Variants in SMYD3 observed in about 807,000 individuals in gnomAD.
The protein encoded by SMYD3 is SET and MYND domain containing 3.
A neutral mutation model predicts 57.7 loss-of-function variants in SMYD3; 36 were observed. That is an observed-to-expected ratio of 0.62 (90% CI 0.48 to 0.82). The LOEUF (loss-of-function observed/expected upper bound fraction) is 0.82, where lower values mean the gene tolerates loss of function less well. Among genes scored for constraint, SMYD3 ranks in the 40% least tolerant of loss-of-function variants. SMYD3 has a pLI of 0.00. For missense variants in SMYD3, 515 were observed against 538.8 expected (o/e 0.96, Z 0.44); for synonymous variants, 211 against 195.0 (o/e 1.08, Z -0.68).
chr1:245,967,535 C>T (rs1209426637), intron 5 of SMYD3, among the ~76,000 whole-genome samples: 3 of 152,186 alleles, frequency 2.0e-5, no homozygotes, highest in African/African-American at 7.2e-5. Flanking sequence ...AGCTGTTGCA[C>T]TGTGAACTTG....
chr1:246,182,557 TCCAGTACC>T (rs2062570700), intron 5 of SMYD3, among the ~76,000 whole-genome samples: 1 of 152,210 alleles, frequency 6.6e-6, no homozygotes, highest in South Asian at 2.1e-4. Flanking sequence ...CAGTACTCTT[TCCAGTACC>T]CCACACAACA....
intron 11 of SMYD3, among the ~76,000 whole-genome samples, chr1:245,762,709 G>A (rs954845407): frequency 2.0e-5 from 3 of 152,204 alleles, no homozygotes; most frequent in Non-Finnish European, 2.9e-5. Flanking sequence ...AGCATTCGGC[G>A]AAAATGAGCA....
In SMYD3 at chr1:246,294,816, C is replaced by A. The variant is rs181574051; in HGVS notation, c.531+32385G>T. Among the ~76,000 whole-genome samples the A allele has an allele frequency of 7.2e-5, 11 of 152,290 alleles. No homozygotes were observed. In the East Asian group the frequency reaches 2.1e-3, roughly 30 times the overall value. On this transcript the variant is annotated intron_variant, in intron 5 of 11. Transcript: ENST00000490107. ...GTTTCACCATGTTGGCCAAGCTGGT[C>A]TGGAACTCCTGACCTCAAGTGATCT...
intron 5 of SMYD3, among the ~76,000 whole-genome samples, chr1:246,046,271 T>C (rs2059961825): frequency 6.6e-6 from 1 of 152,172 alleles, no homozygotes; most frequent in Non-Finnish European, 1.5e-5. Flanking sequence ...GTGGCACATA[T>C]ACACCATGGA....
At chr1:245,805,609 T>G (rs2048111158) in intron 10 of SMYD3, among the ~76,000 whole-genome samples, 1 of 152,226 alleles carries the variant, frequency 6.6e-6, no homozygotes, top group Admixed American at 6.5e-5. Context: ...ACTGCCAAAA[T>G]TTGTGGCACA....
chr1:246,087,254 A>T (rs76247454), intron 5 of SMYD3, among the ~76,000 whole-genome samples: 2,380 of 152,236 alleles, frequency 0.016, 42 homozygotes, highest in South Asian at 0.038. Context: ...TGTTATTCTT[A>T]TTATAGAGGG....
chr1:246,484,026 C>T (rs7540489), intron 1 of SMYD3, among the ~76,000 whole-genome samples: 72,864 of 89,880 alleles, frequency 0.81, 28,218 homozygotes, highest in East Asian at 0.86. Flanking sequence ...TAAACCATTG[C>T]ACTAGTTACA....
intron 7 of SMYD3, among the ~76,000 whole-genome samples, chr1:245,917,853 C>T (rs183132352): frequency 7.4e-4 from 112 of 152,214 alleles, no homozygotes; most frequent in African/African-American, 2.6e-3. Context: ...TGAAGGGATG[C>T]AAAAAACTCC....
intron 2 of SMYD3, among the ~76,000 whole-genome samples, chr1:246,346,617 T>C (rs1245727775): frequency 6.6e-6 from 1 of 152,202 alleles, no homozygotes; most frequent in African/African-American, 2.4e-5. Flanking sequence ...AAGCCCCTTA[T>C]AAAACCATCC....
chr1:245,854,447 T>TA (rs1393746303), intron 10 of SMYD3, among the ~76,000 whole-genome samples: 14 of 152,158 alleles, frequency 9.2e-5, no homozygotes, highest in Admixed American at 2.0e-4. Flanking sequence ...GAGATTGATC[T>TA]AAAAATTATG....
In SMYD3 at chr1:246,507,173, T is replaced by G; in HGVS notation, c.45A>C (p.Gly15=). The part of the protein sequence containing the change: ...KVEKFATAKR[G]NGLRAVTPLR... ...GCGGGGTCACGGCGCGCAGCCCGTT[T>G]CCCCTCTTGGCGGTTGCGAACTTTT... Residue 15 remains glycine (G), a synonymous_variant, in exon 1 of 12, where the codon GGA becomes GGC. Coordinates refer to ENST00000490107, the MANE Select transcript of SMYD3 (RefSeq NM_001167740.2). 1.3e-6 allele frequency: 2 copies of G among 1,532,166 alleles called. No homozygotes were observed. The highest frequency in any genetic ancestry group is 5.2e-5 in the East Asian group (2 of 38,332). 94.9% of individuals were successfully genotyped at this position (1,532,166 alleles called of 1,614,324 possible).
At chr1:246,080,354 G>A (rs148165366) in intron 5 of SMYD3, among the ~76,000 whole-genome samples, 153 of 133,752 alleles carry the variant, frequency 1.1e-3, no homozygotes, top group Middle Eastern at 7.1e-3. Flanking sequence ...TCATGAGGGC[G>A]TGAACCCTAT....
chr1:246,499,998 G>T (rs573290558), intron 1 of SMYD3, among the ~76,000 whole-genome samples: 2 of 151,906 alleles, frequency 1.3e-5, no homozygotes, highest in African/African-American at 4.8e-5. Context: ...AAGAGCAGGG[G>T]CTGGGGCTGG....
chr1:246,501,774 A>G (rs936155732), intron 1 of SMYD3, among the ~76,000 whole-genome samples: 1 of 152,194 alleles, frequency 6.6e-6, no homozygotes, highest in African/African-American at 2.4e-5. Context: ...TGACCCAACT[A>G]ACTGTTCCCA....
intron 5 of SMYD3, among the ~76,000 whole-genome samples, chr1:246,153,417 G>A (rs1299693098): frequency 6.7e-6 from 1 of 148,590 alleles, no homozygotes; most frequent in Non-Finnish European, 1.5e-5. Flanking sequence ...GGGAAGGAGG[G>A]AGGGAGGGAG....
chr1:245,943,910 GACA>G (rs1423544576), intron 5 of SMYD3, among the ~76,000 whole-genome samples: 1 of 152,146 alleles, frequency 6.6e-6, no homozygotes, highest in African/African-American at 2.4e-5. Flanking sequence ...AATAGATGCA[GACA>G]ACGCCTTTGA....
chr1:246,066,240 G>A (rs572567845), intron 5 of SMYD3, among the ~76,000 whole-genome samples: 30 of 152,096 alleles, frequency 2.0e-4, no homozygotes, highest in Non-Finnish European at 3.7e-4. Context: ...TCTCAAGTAC[G>A]AACACAGTCA....
intron 5 of SMYD3, among the ~76,000 whole-genome samples, chr1:246,054,395 A>G (rs2060114164): frequency 6.6e-6 from 1 of 152,242 alleles, no homozygotes; most frequent in Non-Finnish European, 1.5e-5. Context: ...TACTAACCAT[A>G]TAACGTAGCC....
chr1:246,218,738 A>G (rs2063206512), intron 5 of SMYD3, among the ~76,000 whole-genome samples: 1 of 152,220 alleles, frequency 6.6e-6, no homozygotes, highest in East Asian at 1.9e-4. Context: ...TGTGTTCAAT[A>G]AAAATTATTT....
Sources: allele counts gnomAD v4.1 joint callset (sites outside exome capture counted in the v4.1 genomes callset), GRCh38; gene constraint gnomAD v4.1.1; transcripts MANE v1.5; gene names NCBI Gene and HGNC (gene_info 2026-07-23, HGNC 2026-07-21).